PIR: variants seen among roughly 807,000 people sequenced by gnomAD.
The protein encoded by PIR is pirin (iron-binding nuclear protein).
A neutral mutation model predicts 24.2 loss-of-function variants in PIR; 22 were observed. The observed-to-expected ratio is 0.91, with a 90% CI of 0.65 to 1.30. The LOEUF (loss-of-function observed/expected upper bound fraction) is 1.30, where lower values mean the gene tolerates loss of function less well. Among genes scored for constraint, PIR ranks in the 50% most tolerant of loss-of-function variants. The pLI, the probability that PIR is intolerant of heterozygous loss-of-function variation, is 0.00. For synonymous variants in PIR, 80 were observed against 79.6 expected (o/e 1.00, Z -0.03); for missense variants, 220 against 220.3 (o/e 1.00, Z 0.01).
chrX:15,400,807 C>T lies in PIR; in HGVS notation c.611-3276G>A, dbSNP rs188857626. On this transcript the variant is annotated intron_variant, in intron 7 of 9. Transcript: ENST00000380420. ...TGTTGCCCAGACTGGAGTGCAGTGG[C>T]GCAATCTCAGCTCACTGCAACCTCT... Among the ~76,000 whole-genome samples the T allele has an allele frequency of 4.0e-3, 427 of 107,539 alleles. 1 individual carries two copies. The highest frequency in any genetic ancestry group is 0.013 in the African/African-American group (393 of 29,605). The allele number at this position is 107,539 out of a possible 115,157, so 93.4% of individuals were successfully genotyped here.
At chrX:15,403,213 C>T (rs1226373265) in intron 7 of PIR, among the ~76,000 whole-genome samples, 1 of 112,055 alleles carries the variant, frequency 8.9e-6, no homozygotes, top group Non-Finnish European at 1.9e-5. Flanking sequence ...TAATATCACC[C>T]AAAACCAGAG....
intron 7 of PIR, among the ~76,000 whole-genome samples, chrX:15,399,241 T>A (rs1924297782): frequency 8.9e-6 from 1 of 112,719 alleles, no homozygotes; most frequent in Non-Finnish European, 1.9e-5. Context: ...GAATAATCAA[T>A]AAGGAAATGC....
At chrX:15,399,632 G>C (rs2147007012) in intron 7 of PIR, among the ~76,000 whole-genome samples, 1 of 112,063 alleles carries the variant, frequency 8.9e-6, no homozygotes, top group South Asian at 3.7e-4. Context: ...TAGCTGGGCT[G>C]ATGACTTTGT....
intron 5 of PIR, among the ~76,000 whole-genome samples, chrX:15,445,955 G>T (rs1011866055): frequency 1.0e-5 from 1 of 98,681 alleles, no homozygotes; most frequent in Non-Finnish European, 2.0e-5. Context: ...TCAGCCTCCC[G>T]AGTAGCTGGG....
intron 3 of PIR, chrX:15,478,333 G>C (rs1357413930): frequency 2.7e-5 from 3 of 112,231 alleles, no homozygotes; most frequent in Non-Finnish European, 5.6e-5. Flanking sequence ...GAAGGAGAAA[G>C]TGCATCCTCT....
intron 5 of PIR, among the ~76,000 whole-genome samples, chrX:15,455,629 A>G (rs143021621): frequency 2.1e-4 from 24 of 112,720 alleles, no homozygotes; most frequent in Non-Finnish European, 2.2e-4. Flanking sequence ...ACCAAACTTT[A>G]TATGAGCTTG....
At chrX:15,392,027 A>G (rs904143925) in intron 8 of PIR, among the ~76,000 whole-genome samples, 1 of 110,817 alleles carries the variant, frequency 9.0e-6, no homozygotes, top group Non-Finnish European at 1.9e-5. Flanking sequence ...CTGTCTTGTG[A>G]CTGCCCTCTC....
intron 8 of PIR, among the ~76,000 whole-genome samples, chrX:15,397,052 C>A (rs1924185181): frequency 8.9e-6 from 1 of 112,326 alleles, no homozygotes; most frequent in Non-Finnish European, 1.9e-5. Context: ...GGTGGGGATT[C>A]TTTTCAAAGG....
At chrX:15,448,472 T>C (rs1023838140) in intron 5 of PIR, among the ~76,000 whole-genome samples, 1 of 112,122 alleles carries the variant, frequency 8.9e-6, no homozygotes, top group African/African-American at 3.2e-5. Flanking sequence ...TGAGATGAGA[T>C]GGACTGCATA....
At chrX:15,450,157 C>T (rs1022364657) in intron 5 of PIR, among the ~76,000 whole-genome samples, 3 of 112,010 alleles carry the variant, frequency 2.7e-5, no homozygotes, top group African/African-American at 9.7e-5. Context: ...CCAAAGGGAA[C>T]ATTTGTTAAA....
chrX:15,482,990 C>CA (rs779407214), intron 2 of PIR, among the ~76,000 whole-genome samples: 3 of 109,996 alleles, frequency 2.7e-5, no homozygotes, highest in African/African-American at 9.9e-5. Flanking sequence ...CTAAGAGTTT[C>CA]AGCAACCTCT....
intron 6 of PIR, among the ~76,000 whole-genome samples, chrX:15,415,672 G>GTTAATTAGT (rs1924890892): frequency 8.9e-6 from 1 of 111,793 alleles, no homozygotes; most frequent in Non-Finnish European, 1.9e-5. Context: ...GGTAATGTAT[G>GTTAATTAGT]TTAATTAGTT....
intron 5 of PIR, among the ~76,000 whole-genome samples, chrX:15,436,897 G>A (rs1389477929): frequency 8.9e-6 from 1 of 111,963 alleles, no homozygotes; most frequent in African/African-American, 3.2e-5. Context: ...CTTCTTCTAC[G>A]TGATCATTTG....
intron 5 of PIR, among the ~76,000 whole-genome samples, chrX:15,439,979 C>T (rs1224322028): frequency 9.0e-6 from 1 of 111,410 alleles, no homozygotes; most frequent in Admixed American, 9.5e-5. Context: ...GTGTTAGACA[C>T]AAATTTCTCT....
chrX:15,476,074 A>T (rs1376288664), intron 3 of PIR, among the ~76,000 whole-genome samples: 1 of 112,307 alleles, frequency 8.9e-6, no homozygotes, highest in Non-Finnish European at 1.9e-5. Context: ...TCAAATTTTA[A>T]TGTGTATATC....
In PIR at chrX:15,411,323, T is replaced by C. The variant is rs1217597954; in HGVS notation, c.566-3773A>G. ...TTAAAAACCCAAAACTTTTAAAAAATATGTAAATCATTTTCTGTGGCAGTT... is the reference window on the plus strand; with the variant it reads ...TTAAAAACCCAAAACTTTTAAAAAACATGTAAATCATTTTCTGTGGCAGTT... On this transcript the variant is annotated intron_variant, in intron 6 of 9. Transcript: ENST00000380420. Among the ~76,000 whole-genome samples, 3 of 111,351 alleles carry C rather than the reference T, an allele frequency of 2.7e-5. No homozygotes were observed. The East Asian group carries it at 8.4e-4, about 31-fold the overall frequency.
intron 7 of PIR, among the ~76,000 whole-genome samples, chrX:15,407,226 G>A (rs779276039): frequency 8.0e-5 from 9 of 111,839 alleles, no homozygotes; most frequent in African/African-American, 1.3e-4. Flanking sequence ...GGTTGCCAAC[G>A]TCTTAGCGAG....
intron 9 of PIR, among the ~76,000 whole-genome samples, chrX:15,385,324 G>A (rs1198666076): frequency 6.2e-5 from 7 of 112,369 alleles, no homozygotes; most frequent in South Asian, 7.4e-4. Context: ...TTATAAAGAC[G>A]AAACTTCAGA....
At chrX:15,458,150 C>T (rs1921156092) in intron 4 of PIR, among the ~76,000 whole-genome samples, 1 of 111,437 alleles carries the variant, frequency 9.0e-6, no homozygotes, top group African/African-American at 3.3e-5. Flanking sequence ...TTTTCAATAC[C>T]TTGGTTATCC....
Sources: gnomAD v4.1 joint callset for allele counts (sites outside exome capture counted in the v4.1 genomes callset) on GRCh38, gnomAD v4.1.1 for gene constraint, MANE v1.5 for transcripts, NCBI Gene and HGNC (gene_info 2026-07-23, HGNC 2026-07-21) for gene names.